Variants in ROBO3 observed in about 807,000 individuals in gnomAD.
ROBO3 encodes the protein roundabout guidance receptor 3.
In ROBO3, 97 loss-of-function variants were observed where a neutral mutation model predicts 160.5. The observed-to-expected ratio is 0.60, with a 90% confidence interval of 0.51 to 0.72. The LOEUF is 0.72. Ranked by LOEUF, ROBO3 falls within the 30% of genes least tolerant of loss-of-function variation. The pLI is 0.00. For missense variants in ROBO3, 1,858 were observed against 1,846.5 expected, an observed-to-expected ratio of 1.01 and a Z score of -0.11; for synonymous variants, 780 against 746.2, an observed-to-expected ratio of 1.05 and a Z score of -0.74.
At chr11:124,875,710 A>G in intron 15 of ROBO3, 25 bp downstream of exon 15, 1 of 1,585,796 alleles carries the variant, frequency 6.3e-7, no homozygotes, top group Non-Finnish European at 8.6e-7. Flanking sequence ...GAGGGACTGG[A>G]TGGGAGGGCC....
intron 1 of ROBO3, among the ~76,000 whole-genome samples, chr11:124,866,908 G>A (rs1011147979): frequency 6.6e-6 from 1 of 152,134 alleles, no homozygotes. Flanking sequence ...AGGAGGTTAA[G>A]CACAGATCCC....
chr11:124,878,868 G>A lies in ROBO3; in HGVS notation c.3533+72G>A. 1 of 1,266,584 alleles carries A rather than the reference G, an allele frequency of 7.9e-7. No individual in the cohort carries two copies. The highest frequency in any genetic ancestry group is 1.1e-6 in the Non-Finnish European group (1 of 895,996). The allele number at this position is 1,266,584 out of a possible 1,614,324, so 78.5% of individuals were successfully genotyped here. Reference sequence around the variant, plus strand: ...ATCTACTCAGTAGATGACTGGGTGGGTGGATGGATGGATGGGTGGATGGAT... The same window carrying A: ...ATCTACTCAGTAGATGACTGGGTGGATGGATGGATGGATGGGTGGATGGAT... On this transcript the variant is annotated intron_variant, in intron 23 of 27. Transcript: ENST00000397801. The surrounding 1 kb of genome is among the most constrained non-coding windows in gnomAD (Gnocchi z 4.3).
At chr11:124,881,204 GT>G in intron 27 of ROBO3, 34 bp from the exon 28 acceptor site, 1 of 1,598,076 alleles carries the variant, frequency 6.3e-7, no homozygotes. Context: ...CTGGGCCAGG[GT>G]TTTACAAAAC....
At position 124,873,340 on chromosome 11, in the gene ROBO3, G is replaced by A; in HGVS notation, c.1567G>A (p.Ala523Thr). ...EMDMGFYSCVAKSSTGEATWS... is the reference protein window; with the variant it reads ...EMDMGFYSCVTKSSTGEATWS... ...GGACATGGGCTTCTACAGCTGCGTG[G>A]CCAAGAGTTCCACAGGGGAAGCCAC... The change falls in exon 10 of 28, where the codon GCC (alanine) becomes ACC (threonine). Residue 523 changes from alanine (A) to threonine (T), a missense_variant. By Grantham distance (58) the Ala-to-Thr change is moderately conservative. Coordinates refer to ENST00000397801, the MANE Select transcript of ROBO3 (RefSeq NM_022370.4). This position sits in a 1 kb window ranked among gnomAD's most constrained non-coding sequence, Gnocchi z 4.5. The A allele has an allele frequency of 1.2e-6, 2 of 1,611,998 alleles. No individual in the cohort carries two copies. The highest frequency in any genetic ancestry group is 1.1e-5 in the South Asian group (1 of 90,312).
At position 124,879,547 on chromosome 11, in the gene ROBO3, T is replaced by C. The variant is rs1946504951; in HGVS notation, c.3768T>C (p.Leu1256=). ...GATTCCGGAAGAAACCCAAGGCTCT[T>C]CCCTACAGGAGGGAGAACAGTCCTG... ...RARFRKKPKA[L]PYRRENSPGD... The change falls in exon 25 of 28, where the codon CTT becomes CTC. Residue 1256 remains leucine (L), a synonymous_variant. Transcript: ENST00000397801. 1.9e-6 allele frequency: 3 copies of C among 1,613,444 alleles called. No individual in the cohort carries two copies. The highest frequency in any genetic ancestry group is 2.5e-6 in the Non-Finnish European group (3 of 1,179,644).
Position 124,874,191 on chromosome 11 carries a change from G to T in ROBO3, c.1906G>T (p.Gly636Cys), listed in dbSNP as rs372209516. ...LFLVRAVGAW[G>C]LSEPSPVSEP... ...TCTGGTTCGAGCAGTGGGAGCCTGGGGCCTCAGTGAGCCCAGCCCCGTCTC... is the reference window on the plus strand; with the variant it reads ...TCTGGTTCGAGCAGTGGGAGCCTGGTGCCTCAGTGAGCCCAGCCCCGTCTC... The change falls in exon 12 of 28, where the codon GGC (glycine) becomes TGC (cysteine). Residue 636 changes from glycine (G) to cysteine (C), a missense_variant. Coordinates refer to ENST00000397801, the MANE Select transcript of ROBO3 (RefSeq NM_022370.4). 2 of 1,613,802 alleles carry T rather than the reference G, an allele frequency of 1.2e-6. No homozygotes were observed. The highest frequency in any genetic ancestry group is 1.3e-5 in the African/African-American group (1 of 74,902).
chr11:124,870,412 T>G (rs1165157878), intron 5 of ROBO3, 109 bp downstream of exon 5: 2 of 1,490,718 alleles, frequency 1.3e-6, no homozygotes, highest in Non-Finnish European at 1.8e-6. Flanking sequence ...CAGAGAAGTC[T>G]GTTCCCTAGA....
Position 124,879,299 on chromosome 11 carries a change from C to T in ROBO3, c.3643C>T (p.Leu1215Phe). The T allele has an allele frequency of 6.2e-7, 1 of 1,606,172 alleles. No individual in the cohort carries two copies. Reference protein sequence around the residue: ...LGAGPAASPHLSPSPAPSTAS... With the variant: ...LGAGPAASPHFSPSPAPSTAS... ...TGCTGGCCCTGCAGCCTCACCCCAC[C>T]TCAGCCCCAGTCCTGCCCCTAGCAC... The change falls in exon 24 of 28, where the codon CTC becomes TTC. Residue 1215 changes from leucine (L) to phenylalanine (F), a missense_variant. Coordinates refer to ENST00000397801, the MANE Select transcript of ROBO3 (RefSeq NM_022370.4).
chr11:124,876,383 G>C lies in ROBO3; in HGVS notation c.2702G>C (p.Cys901Ser). Residue 901 changes from cysteine to serine, a missense_variant, in exon 17 of 28, where the codon TGC becomes TCC. Transcript: ENST00000397801. The surrounding 1 kb of genome is among the most constrained non-coding windows in gnomAD (Gnocchi z 5.3). ...TTCCTCGCGGGCAGCGGCGCAGCCT[G>C]CGGGGCGCTGCTTCTCGGGCTCTGC... ...PAFLAGSGAA[C>S]GALLLGLCAA... 1 of 1,447,116 alleles carries C rather than the reference G, an allele frequency of 6.9e-7. No individual in the cohort carries two copies. Among genetic ancestry groups the C allele is most frequent in the Non-Finnish European group, 9.0e-7 (1 of 1,107,342 alleles). 89.6% of individuals were successfully genotyped at this position (1,447,116 alleles called of 1,614,324 possible). A position where few individuals can be genotyped will look rare whatever the true frequency, so the allele number is the denominator to read the frequency against.
At chr11:124,874,257 C>T in intron 12 of ROBO3, 21 bp downstream of exon 12, 1 of 1,597,568 alleles carries the variant, frequency 6.3e-7, no homozygotes, top group Non-Finnish European at 8.6e-7. Context: ...AGTCCCTGGG[C>T]TCATGAGCAT....
chr11:124,873,224 C>A lies in ROBO3; in HGVS notation c.1537-86C>A. On this transcript the variant is annotated intron_variant, in intron 9 of 27. Coordinates refer to ENST00000397801, the MANE Select transcript of ROBO3 (RefSeq NM_022370.4). The surrounding 1 kb of genome is among the most constrained non-coding windows in gnomAD (Gnocchi z 4.5). ...TCTCAGAGCACCTAGTATCCAACAT[C>A]TTCCCATCCTTCTGCTACCCGCCTC... The A allele has an allele frequency of 7.0e-7, 1 of 1,419,634 alleles. No individual in the cohort carries two copies. Among genetic ancestry groups the A allele is most frequent in the Non-Finnish European group, 9.7e-7 (1 of 1,027,196 alleles). 87.9% of individuals were successfully genotyped at this position (1,419,634 alleles called of 1,614,324 possible). A position where few individuals can be genotyped will look rare whatever the true frequency, so the allele number is the denominator to read the frequency against.
At chr11:124,875,914 T>A in intron 15 of ROBO3, 40 bp from the exon 16 acceptor site, 1 of 1,571,402 alleles carries the variant, frequency 6.4e-7, no homozygotes, top group Non-Finnish European at 8.6e-7. Flanking sequence ...AGGCTAAGAA[T>A]CCCATTTCTG....
rs778636572 is a variant in ROBO3 at position 124,873,742 on chromosome 11, C to T, written c.1664C>T (p.Pro555Leu). 4.3e-6 allele frequency: 7 copies of T among 1,613,768 alleles called. No homozygotes were observed. The highest frequency in any genetic ancestry group is 5.9e-6 in the Non-Finnish European group (7 of 1,179,856). Residue 555 changes from proline to leucine, a missense_variant, in exon 11 of 28, where the codon CCT becomes CTT. By Grantham distance (98) the Pro-to-Leu change is moderately conservative. Coordinates refer to ENST00000397801, the MANE Select transcript of ROBO3 (RefSeq NM_022370.4). The surrounding 1 kb of genome is among the most constrained non-coding windows in gnomAD (Gnocchi z 4.5). ...GACCCCCCTACAGAACCCAGTTCCCCTCCGGGGGCTCCCTCTCAGCCAGTG... is the reference window on the plus strand; with the variant it reads ...GACCCCCCTACAGAACCCAGTTCCCTTCCGGGGGCTCCCTCTCAGCCAGTG... Reference protein sequence around the residue: ...SPDPPTEPSSPPGAPSQPVVT... With the variant: ...SPDPPTEPSSLPGAPSQPVVT...
rs1369444764 is a variant in ROBO3, at chr11:124,870,607, G to C, written c.912G>C (p.Glu304Asp). Reference protein sequence around the residue: ...EDGELPTGRYEIRSDHSLWIG... With the variant: ...EDGELPTGRYDIRSDHSLWIG... ...GGGGTGGGGAGTGGAGCAGGTATGA[G>C]ATCCGGAGTGACCACAGCCTTTGGA... The change falls in exon 6 of 28, where the codon GAG (glutamate) becomes GAC (aspartate). Residue 304 changes from glutamate to aspartate, a missense_variant. By Grantham distance (45) the Glu-to-Asp change is conservative (BLOSUM62 2). Coordinates refer to ENST00000397801, the MANE Select transcript of ROBO3 (RefSeq NM_022370.4). 1 of 1,613,824 alleles carries C rather than the reference G, an allele frequency of 6.2e-7. No individual in the cohort carries two copies. Among genetic ancestry groups the C allele is most frequent in the Non-Finnish European group, 8.5e-7 (1 of 1,179,862 alleles).
chr11:124,872,544 T>G lies in ROBO3; in HGVS notation c.1322T>G (p.Ile441Arg), dbSNP rs748424524. The change falls in exon 8 of 28, where the codon ATA becomes AGA. Residue 441 changes from isoleucine (I) to arginine (R), a missense_variant. By Grantham distance (97) the Ile-to-Arg change is moderately conservative (BLOSUM62 -3). Coordinates refer to ENST00000397801, the MANE Select transcript of ROBO3 (RefSeq NM_022370.4). The surrounding 1 kb of genome is among the most constrained non-coding windows in gnomAD (Gnocchi z 4.3). ...GSILAKALLE[I>R]KGASLDGLPP... ...ATCCTGGCCAAGGCCCTGCTGGAGA[T>G]AAAAGGAGGTACGTGCCCATGGAGA... 1.9e-6 allele frequency: 3 copies of G among 1,612,950 alleles called. No homozygotes were observed. Among genetic ancestry groups the G allele is most frequent in the Non-Finnish European group, 2.5e-6 (3 of 1,179,230 alleles).
intron 1 of ROBO3, chr11:124,868,457 G>C: frequency 3.4e-6 from 2 of 584,074 alleles, no homozygotes; most frequent in Non-Finnish European, 6.1e-6. Flanking sequence ...GGAGGCGAGG[G>C]AGCGGTCTAC....
At chr11:124,867,152 C>T (rs949021245) in intron 1 of ROBO3, among the ~76,000 whole-genome samples, 1 of 152,040 alleles carries the variant, frequency 6.6e-6, no homozygotes, top group Non-Finnish European at 1.5e-5. Context: ...TTCCATTACA[C>T]CTGAGGGCTA....
chr11:124,869,813 C>A lies in ROBO3; in HGVS notation c.646-135C>A. ...ACTTCCCATTTGATATGTGGGTCAACTTCCTTGGTCTCCTTTATCAGCTTG... is the reference window on the plus strand; with the variant it reads ...ACTTCCCATTTGATATGTGGGTCAAATTCCTTGGTCTCCTTTATCAGCTTG... On this transcript the variant is annotated intron_variant, in intron 3 of 27. Transcript: ENST00000397801. The surrounding 1 kb of genome is among the most constrained non-coding windows in gnomAD (Gnocchi z 4.2). 1.5e-6 allele frequency: 2 copies of A among 1,349,682 alleles called. No individual in the cohort carries two copies. The highest frequency in any genetic ancestry group is 1.0e-6 in the Non-Finnish European group (1 of 982,468). 83.6% of individuals were successfully genotyped at this position (1,349,682 alleles called of 1,614,324 possible).
intron 19 of ROBO3, 100 bp from the exon 20 acceptor site, chr11:124,877,419 C>G (rs868859019): frequency 6.3e-7 from 1 of 1,587,794 alleles, no homozygotes; most frequent in Non-Finnish European, 8.6e-7. Context: ...CACCCCAACA[C>G]CACCGCCACT....
Sources: gnomAD v4.1 joint callset for allele counts (sites outside exome capture counted in the v4.1 genomes callset) on GRCh38, gnomAD v4.1.1 for gene constraint, Gnocchi (gnomAD v3.1) non-coding constraint, MANE v1.5 for transcripts, NCBI Gene and HGNC (gene_info 2026-07-23, HGNC 2026-07-21) for gene names.